FAAH2: variants seen among roughly 807,000 people sequenced by gnomAD.
FAAH2 encodes the protein fatty acid amide hydrolase 2.
A neutral mutation model predicts 36.9 loss-of-function variants in FAAH2; 60 were observed. The ratio of observed to expected loss-of-function variants is 1.63; its 90% CI spans 1.32 to 2.02. The LOEUF (loss-of-function observed/expected upper bound fraction) is 2.02. Ranked by LOEUF, FAAH2 falls within the 30% of genes most tolerant of loss-of-function variation. The probability of loss-of-function intolerance (pLI) is 0.00; values close to 1 mark genes in which losing one functional copy is unlikely to be tolerated. For synonymous variants in FAAH2, 214 were observed against 143.8 expected, an observed-to-expected ratio of 1.49 and a Z score of -3.49; for missense variants, 689 against 397.5, an observed-to-expected ratio of 1.73 and a Z score of -6.23.
At chrX:57,287,226 T>G (rs1440803651) in intron 1 of FAAH2, among the ~76,000 whole-genome samples, 1 of 111,386 alleles carries the variant, frequency 9.0e-6, no homozygotes, top group Non-Finnish European at 1.9e-5. Flanking sequence ...TTGGACTATT[T>G]TGGTACCGTC....
intron 7 of FAAH2, among the ~76,000 whole-genome samples, chrX:57,428,538 A>G (rs2056216881): frequency 8.9e-6 from 1 of 112,155 alleles, no homozygotes; most frequent in African/African-American, 3.2e-5. Flanking sequence ...TGGTATAAAA[A>G]TAGACACATA....
chrX:57,168,951 CT>C, the FAAH2 span, among the ~76,000 whole-genome samples: 1 of 111,693 alleles, frequency 9.0e-6, no homozygotes, highest in African/African-American at 3.3e-5. Context: ...GACTGAGTAG[CT>C]TAAATAACAG....
At chrX:57,446,892 A>T in intron 8 of FAAH2, 36 bp from the exon 9 acceptor site, 1 of 1,084,618 alleles carries the variant, frequency 9.2e-7, no homozygotes, top group Non-Finnish European at 1.3e-6. Context: ...TTTTGAGAAA[A>T]TACTCTTGTA....
the FAAH2 span, among the ~76,000 whole-genome samples, chrX:57,244,037 G>C: frequency 9.3e-6 from 1 of 107,601 alleles, no homozygotes; most frequent in Non-Finnish European, 1.9e-5. Flanking sequence ...AGGATAACCA[G>C]TTTAGAGAAC....
intron 7 of FAAH2, among the ~76,000 whole-genome samples, chrX:57,387,761 C>T (rs1277979167): frequency 3.6e-5 from 4 of 111,542 alleles, no homozygotes; most frequent in African/African-American, 1.3e-4. Context: ...GAAACACCAA[C>T]AGGCCTGCTG....
At chrX:57,174,308 C>T in the FAAH2 span, among the ~76,000 whole-genome samples, 8 of 109,395 alleles carry the variant, frequency 7.3e-5, no homozygotes, top group Admixed American at 2.9e-4. Flanking sequence ...CTTCCTGATT[C>T]AAGCTGTGTG....
chrX:57,354,077 AATCTCTCTACTGG>A (rs756277409), intron 5 of FAAH2, among the ~76,000 whole-genome samples: 1 of 110,917 alleles, frequency 9.0e-6, no homozygotes, highest in Non-Finnish European at 1.9e-5. Flanking sequence ...TTCATCTAGC[AATCTCTCTACTGG>A]ATAGCTACCC....
the FAAH2 span, among the ~76,000 whole-genome samples, chrX:57,124,695 A>C: frequency 2.7e-5 from 3 of 111,463 alleles, no homozygotes; most frequent in Admixed American, 1.9e-4. Flanking sequence ...AGTGGTTTGT[A>C]GTTCTCCTTG....
intron 2 of FAAH2, among the ~76,000 whole-genome samples, chrX:57,306,992 C>T (rs866349154): frequency 0.012 from 94 of 7,998 alleles, 3 homozygotes; most frequent in Non-Finnish European, 0.013. Context: ...CACACACACA[C>T]AGATACATAT....
chrX:57,352,099 T>TATATAC (rs2054033357), intron 5 of FAAH2, among the ~76,000 whole-genome samples: 1 of 14,747 alleles, frequency 6.8e-5, no homozygotes, highest in East Asian at 1.2e-3. Flanking sequence ...TATGCACATA[T>TATATAC]ATATATATGT....
At chrX:57,146,061 T>G in the FAAH2 span, among the ~76,000 whole-genome samples, 1 of 110,031 alleles carries the variant, frequency 9.1e-6, no homozygotes. Context: ...CTTTTTTTGG[T>G]TCCATATGAA....
intron 5 of FAAH2, among the ~76,000 whole-genome samples, chrX:57,351,310 G>A (rs2053993516): frequency 9.0e-6 from 1 of 111,093 alleles, no homozygotes; most frequent in African/African-American, 3.3e-5. Flanking sequence ...ATGCAATGTA[G>A]TAAAACTTGT....
At chrX:57,272,355 TC>T in the FAAH2 span, among the ~76,000 whole-genome samples, 2 of 111,080 alleles carry the variant, frequency 1.8e-5, no homozygotes, top group Admixed American at 9.6e-5. Context: ...CAGGAGAACT[TC>T]CCCAACCTAG....
the FAAH2 span, among the ~76,000 whole-genome samples, chrX:57,163,881 C>T: frequency 1.8e-5 from 2 of 112,047 alleles, no homozygotes; most frequent in Non-Finnish European, 3.8e-5. Flanking sequence ...CATCTTGGCT[C>T]CTCCCTTAAT....
chrX:57,329,831 C>T (rs1384807997), intron 3 of FAAH2, among the ~76,000 whole-genome samples: 1 of 111,407 alleles, frequency 9.0e-6, no homozygotes, highest in Non-Finnish European at 1.9e-5. Context: ...TTTATTAGTT[C>T]CCCAAATTAA....
chrX:57,423,270 G>A (rs1021034152), intron 7 of FAAH2, among the ~76,000 whole-genome samples: 2 of 112,011 alleles, frequency 1.8e-5, no homozygotes, highest in African/African-American at 6.5e-5. Flanking sequence ...ACTGAGATTT[G>A]CAATCTAGTC....
At chrX:57,307,813 AG>A (rs1192464166) in intron 2 of FAAH2, among the ~76,000 whole-genome samples, 1 of 110,554 alleles carries the variant, frequency 9.0e-6, no homozygotes, top group Non-Finnish European at 1.9e-5. Flanking sequence ...GTTAGTCCCC[AG>A]TGTCTATTGT....
intron 5 of FAAH2, among the ~76,000 whole-genome samples, chrX:57,345,310 C>T (rs940138699): frequency 3.7e-5 from 4 of 109,041 alleles, no homozygotes; most frequent in Non-Finnish European, 3.8e-5. Context: ...GAATTAATTT[C>T]GAAGCTTGTT....
At chrX:57,382,705 G>C (rs2054887845) in intron 7 of FAAH2, among the ~76,000 whole-genome samples, 2 of 111,587 alleles carry the variant, frequency 1.8e-5, no homozygotes, top group Admixed American at 1.9e-4. Context: ...ACCAAAAAAA[G>C]TCCAGGAGCA....
Sources: gnomAD v4.1 joint callset for allele counts (sites outside exome capture counted in the v4.1 genomes callset) on GRCh38, gnomAD v4.1.1 for gene constraint, MANE v1.5 for transcripts, NCBI Gene and HGNC (gene_info 2026-07-23, HGNC 2026-07-21) for gene names.